DLGAP4: variants seen among roughly 807,000 people sequenced by gnomAD.
DLGAP4 encodes the protein DLG associated protein 4.
DLGAP4 carries 18 observed loss-of-function variants against 86.9 expected under a neutral mutation model. That is an observed-to-expected ratio of 0.21 (90% CI 0.14 to 0.31). DLGAP4 has a LOEUF of 0.31. DLGAP4 is among the 10% of genes least tolerant of loss of function. The probability of loss-of-function intolerance (pLI) is 1.00; values close to 1 mark genes in which losing one functional copy is unlikely to be tolerated. For synonymous variants in DLGAP4, 548 were observed against 574.3 expected (o/e 0.95, Z 0.65); for missense variants, 1,085 against 1,362.6 (o/e 0.80, Z 3.21).
At chr20:36,458,056 G>A (rs75765194) in intron 7 of DLGAP4, among the ~76,000 whole-genome samples, 2,720 of 152,280 alleles carry the variant, frequency 0.018, 88 homozygotes, top group Admixed American at 0.091. Context: ...GCAGAGCACT[G>A]AGGAGAGAGC....
At chr20:36,383,218 A>T (rs1055078518) in intron 2 of DLGAP4, among the ~76,000 whole-genome samples, 3 of 152,210 alleles carry the variant, frequency 2.0e-5, no homozygotes, top group African/African-American at 7.2e-5. Flanking sequence ...AGGCAGCTCA[A>T]GCTGTTTACT....
At chr20:36,369,745 A>G (rs2030849795) in intron 2 of DLGAP4, among the ~76,000 whole-genome samples, 1 of 152,186 alleles carries the variant, frequency 6.6e-6, no homozygotes, top group Non-Finnish European at 1.5e-5. Context: ...TACTGCAGTA[A>G]ACATTTTTGT....
At chr20:36,319,983 G>C (rs1015956277) in intron 1 of DLGAP4, among the ~76,000 whole-genome samples, 3 of 151,268 alleles carry the variant, frequency 2.0e-5, no homozygotes, top group African/African-American at 7.3e-5. Flanking sequence ...ACTCCCCCGG[G>C]CCTCCCTCTG....
rs1251025346 is a variant in DLGAP4, at chr20:36,317,337, C to T, written c.-304+10825C>T. Among the ~76,000 whole-genome samples the T allele has an allele frequency of 2.2e-4, 30 of 139,258 alleles. 1 individual carries two copies. The highest frequency in any genetic ancestry group is 6.7e-4 in the African/African-American group (25 of 37,378). The allele number at this position is 139,258 out of a possible 152,430, so 91.4% of individuals were successfully genotyped here. A position where few individuals can be genotyped will look rare whatever the true frequency, so the allele number is the denominator to read the frequency against. ...CCTTCCTTCCTTCCTTCCTCTTTCT[C>T]TCTTTCTTTCCTTCTCTCTTTCTTT... is the stretch of plus-strand genomic sequence containing the variant. On this transcript the variant is annotated intron_variant, in intron 1 of 12. Coordinates refer to ENST00000339266, the MANE Select transcript of DLGAP4 (RefSeq NM_001365621.2).
chr20:36,374,550 G>T (rs545768783), intron 2 of DLGAP4, among the ~76,000 whole-genome samples: 6 of 152,328 alleles, frequency 3.9e-5, no homozygotes, highest in Admixed American at 1.3e-4. Context: ...GCCTTTGGGG[G>T]ATATTGTGGG....
At chr20:36,392,948 A>T (rs767717772) in intron 2 of DLGAP4, among the ~76,000 whole-genome samples, 2 of 152,100 alleles carry the variant, frequency 1.3e-5, no homozygotes, top group African/African-American at 4.8e-5. Context: ...GAGAAGCCAC[A>T]CGAGGGTCTG....
chr20:36,522,115 C>T (rs533664655), intron 10 of DLGAP4, among the ~76,000 whole-genome samples: 48 of 152,126 alleles, frequency 3.2e-4, no homozygotes, highest in African/African-American at 1.1e-3. Flanking sequence ...TCCTTGTTGC[C>T]GGCTAGGTTC....
intron 2 of DLGAP4, among the ~76,000 whole-genome samples, chr20:36,402,693 G>A (rs895882571): frequency 6.6e-6 from 1 of 152,064 alleles, no homozygotes; most frequent in Non-Finnish European, 1.5e-5. Flanking sequence ...AGCTGTAGTG[G>A]CTATGATCAC....
intron 7 of DLGAP4, among the ~76,000 whole-genome samples, chr20:36,460,438 C>T (rs2147611275): frequency 6.6e-6 from 1 of 152,376 alleles, no homozygotes; most frequent in South Asian, 2.1e-4. Context: ...ATTATTTTTA[C>T]ACCTTAATGC....
intron 10 of DLGAP4, among the ~76,000 whole-genome samples, chr20:36,517,428 G>A (rs542890940): frequency 2.0e-4 from 30 of 152,082 alleles, no homozygotes; most frequent in South Asian, 1.2e-3. Context: ...CACCACACCC[G>A]GTTATTTTTT....
chr20:36,435,243 G>A (rs1000497563), intron 3 of DLGAP4, among the ~76,000 whole-genome samples: 2 of 152,146 alleles, frequency 1.3e-5, no homozygotes, highest in Non-Finnish European at 2.9e-5. Context: ...GGCTGTGTGT[G>A]AGTGCTGAGA....
At chr20:36,498,302 G>A (rs2035973796) in intron 8 of DLGAP4, 2 of 152,224 alleles carry the variant, frequency 1.3e-5, no homozygotes. Flanking sequence ...GGCTTCTTAA[G>A]TGTCCAGTCC....
rs766778171 is a variant in DLGAP4, at chr20:36,496,805, G to A, written c.1749G>A (p.Glu583=). Residue 583 remains glutamate, a synonymous_variant, in exon 8 of 13, where the codon GAG becomes GAA. Transcript: ENST00000339266. ...FISVTVQSST[E]SAQDTYLDSQ... is the part of the protein sequence containing the mutation. Reference sequence around the variant, plus strand: ...CAGTCACAGTCCAGAGCAGTACTGAGTCTGCCCAGGACACCTACCTGGACA... The same window carrying A: ...CAGTCACAGTCCAGAGCAGTACTGAATCTGCCCAGGACACCTACCTGGACA... 1.2e-5 allele frequency: 20 copies of A among 1,614,234 alleles called. No individual in the cohort carries two copies. Among genetic ancestry groups the A allele is most frequent in the Non-Finnish European group, 1.6e-5 (19 of 1,180,040 alleles).
At chr20:36,371,317 C>T (rs987419969) in intron 2 of DLGAP4, among the ~76,000 whole-genome samples, 1 of 152,160 alleles carries the variant, frequency 6.6e-6, no homozygotes, top group Admixed American at 6.5e-5. Context: ...GAGTCTAGTC[C>T]CTGCTAGTCC....
intron 11 of DLGAP4, chr20:36,525,576 G>A (rs953566689): frequency 2.7e-5 from 14 of 509,610 alleles, no homozygotes; most frequent in South Asian, 1.4e-4. Flanking sequence ...CCTGCAAAAC[G>A]AGAATACCTG....
chr20:36,441,342 C>T (rs752949308), intron 5 of DLGAP4, among the ~76,000 whole-genome samples: 1 of 152,148 alleles, frequency 6.6e-6, no homozygotes, highest in Non-Finnish European at 1.5e-5. Context: ...TCCAGGGGCT[C>T]TCTTCTCAAA....
chr20:36,513,554 C>CAA lies in DLGAP4; in HGVS notation c.2513-10672_2513-10671dup, dbSNP rs562398294. 7.0e-3 allele frequency among the ~76,000 whole-genome samples: 281 copies of CAA among 39,956 alleles called. 1 individual carries two copies. The highest frequency in any genetic ancestry group is 0.017 in the South Asian group (13 of 786). 26.2% of individuals were successfully genotyped at this position (39,956 alleles called of 152,430 possible). On this transcript the variant is annotated intron_variant, in intron 10 of 12. Transcript: ENST00000339266. ...TGGGCGACAGAGCGAGACTCCGTCT[C>CAA]AAAAAAAAAAAAAAAAAAAAAAAAA...
Position 36,526,876 on chromosome 20 carries a change from C to CGCGACAAGGCCTCAGACGCCA in DLGAP4, c.2833_2853dup (p.Ala945_Lys951dup). 6.2e-7 allele frequency: 1 copy of CGCGACAAGGCCTCAGACGCCA among 1,612,620 alleles called. No homozygotes were observed. Among genetic ancestry groups the CGCGACAAGGCCTCAGACGCCA allele is most frequent in the Non-Finnish European group, 8.5e-7 (1 of 1,179,626 alleles). On this transcript the variant is annotated inframe_insertion, in exon 13 of 13. Coordinates refer to ENST00000339266, the MANE Select transcript of DLGAP4 (RefSeq NM_001365621.2). ...AGCCAAATCCAAGCCGGCAGTGAGC[C>CGCGACAAGGCCTCAGACGCCA]GCGACAAGGCCTCAGACGCCAGCGA...
chr20:36,450,900 G>A (rs2033719631), intron 7 of DLGAP4, among the ~76,000 whole-genome samples: 1 of 152,180 alleles, frequency 6.6e-6, no homozygotes, highest in Non-Finnish European at 1.5e-5. Context: ...TTGTTGATTA[G>A]GTACAAGTTC....
Sources: gnomAD v4.1 joint callset for allele counts (sites outside exome capture counted in the v4.1 genomes callset) on GRCh38, gnomAD v4.1.1 for gene constraint, MANE v1.5 for transcripts, NCBI Gene and HGNC (gene_info 2026-07-23, HGNC 2026-07-21) for gene names.